The following PTH2R variants were observed in gnomAD, a reference collection of about 807,000 sequenced individuals.
PTH2R encodes parathyroid hormone 2 receptor.
Under a neutral mutation model 60.3 loss-of-function variants are expected in PTH2R, and 59 were observed. The ratio of observed to expected loss-of-function variants is 0.98; its 90% confidence interval spans 0.79 to 1.22. The LOEUF is 1.22. Among genes scored for constraint, PTH2R ranks in the 50% most tolerant of loss-of-function variants. The pLI is 0.00. For synonymous variants in PTH2R, 256 were observed against 243.8 expected (o/e 1.05, Z -0.47); for missense variants, 749 against 682.6 (o/e 1.10, Z -1.08).
chr2:208,420,591 C>A (rs1252542043), intron 1 of PTH2R, among the ~76,000 whole-genome samples: 2 of 152,120 alleles, frequency 1.3e-5, no homozygotes, highest in African/African-American at 4.8e-5. Flanking sequence ...CTAAACAATT[C>A]CTTAAAAACT....
Position 208,365,940 on chromosome 2 carries a change from ATATATATATATATATATATATTT to A in PTH2R, c.-259+5705_-259+5727del, listed in dbSNP as rs1700573536. Among the ~76,000 whole-genome samples, 7 of 13,520 alleles carry A rather than the reference ATATATATATATATATATATATTT, an allele frequency of 5.2e-4. 1 individual carries two copies. The highest frequency in any genetic ancestry group is 1.6e-3 in the African/African-American group (7 of 4,296). The allele number at this position is 13,520 out of a possible 152,430, so 8.9% of individuals were successfully genotyped here. A position where few individuals can be genotyped will look rare whatever the true frequency, so the allele number is the denominator to read the frequency against. Reference sequence around the variant, plus strand: ...TAATATAATAGATAAATATATATATATATATATATATATATATATATTTTTTTTTTTTTTTTTTTTTTTTTTTT... The same window carrying A: ...TAATATAATAGATAAATATATATATATTTTTTTTTTTTTTTTTTTTTTTTT... On this transcript the variant is annotated intron_variant, in intron 1 of 12. Transcript: ENST00000617735.
intron 10 of PTH2R, among the ~76,000 whole-genome samples, chr2:208,482,861 C>T (rs7600129): frequency 5.3e-5 from 8 of 152,264 alleles, no homozygotes; most frequent in South Asian, 2.1e-4. Context: ...CCCAGAGCCA[C>T]GAACATCTGC....
chr2:208,461,980 C>T (rs1442779832), intron 9 of PTH2R, among the ~76,000 whole-genome samples: 1 of 152,186 alleles, frequency 6.6e-6, no homozygotes, highest in Non-Finnish European at 1.5e-5. Context: ...AAAATTATGA[C>T]AGTTCTAAGC....
chr2:208,363,165 C>G (rs1361963103), intron 1 of PTH2R, among the ~76,000 whole-genome samples: 1 of 151,722 alleles, frequency 6.6e-6, no homozygotes. Flanking sequence ...GTTTTTTGAC[C>G]CTCCCCCTTC....
At chr2:208,448,425 C>T (rs181812111) in intron 7 of PTH2R, among the ~76,000 whole-genome samples, 1 of 151,452 alleles carries the variant, frequency 6.6e-6, no homozygotes, top group Non-Finnish European at 1.5e-5. Context: ...CTGAGGTGGG[C>T]GGATCATGAG....
intron 8 of PTH2R, among the ~76,000 whole-genome samples, chr2:208,457,488 T>C (rs1702537525): frequency 6.6e-6 from 1 of 152,232 alleles, no homozygotes; most frequent in Non-Finnish European, 1.5e-5. Context: ...AATGTGGAGC[T>C]GCTGAGCTCT....
At chr2:208,484,272 A>G (rs1210260180) in intron 10 of PTH2R, among the ~76,000 whole-genome samples, 1 of 152,268 alleles carries the variant, frequency 6.6e-6, no homozygotes, top group Non-Finnish European at 1.5e-5. Context: ...TGAAAAGTAC[A>G]TAAAATCCCT....
rs1011912166 is a variant in PTH2R at position 208,490,547 on chromosome 2, A to G, written c.1216-92A>G. The G allele has an allele frequency of 1.3e-5, 16 of 1,231,768 alleles. No individual in the cohort carries two copies. In the African/African-American group the frequency reaches 2.0e-4, roughly 15 times the overall value. The allele number at this position is 1,231,768 out of a possible 1,614,324, so 76.3% of individuals were successfully genotyped here. On this transcript the variant is annotated intron_variant, in intron 11 of 12. Transcript: ENST00000272847. ...TAATTCTCTGAAGGAATCATAAAAA[A>G]CAATTTTTGGACGTACACATTTTGG...
In PTH2R at chr2:208,481,148, A is replaced by C. The variant is rs1357891660; in HGVS notation, c.1060A>C (p.Thr354Pro). 6.2e-7 allele frequency: 1 copy of C among 1,607,634 alleles called. No homozygotes were observed. Among genetic ancestry groups the C allele is most frequent in the Middle Eastern group, 1.7e-4 (1 of 6,042 alleles). ...IWETNAVGHD[T>P]RKQYRKLAKS... ...GGAGACCAATGCAGTTGGGCATGACACAAGGAAGCAATACAGGTAATTTCA... is the reference window on the plus strand; with the variant it reads ...GGAGACCAATGCAGTTGGGCATGACCCAAGGAAGCAATACAGGTAATTTCA... The change falls in exon 10 of 13, where the codon ACA (threonine) becomes CCA (proline). Residue 354 changes from threonine (T) to proline (P), a missense_variant. Transcript: ENST00000272847.
At chr2:208,366,548 A>G (rs770863351) in intron 1 of PTH2R, among the ~76,000 whole-genome samples, 1 of 152,170 alleles carries the variant, frequency 6.6e-6, no homozygotes, top group Non-Finnish European at 1.5e-5. Context: ...TACAAGATCT[A>G]ATAGCCATGA....
upstream of PTH2R, among the ~76,000 whole-genome samples, chr2:208,403,624 CA>C (rs1456989552): frequency 5.9e-5 from 9 of 152,178 alleles, no homozygotes; most frequent in African/African-American, 2.2e-4. Flanking sequence ...TGGTGTGTAG[CA>C]AGCTACCCCC....
chr2:208,489,933 A>G (rs552478189), intron 11 of PTH2R, among the ~76,000 whole-genome samples: 1 of 152,224 alleles, frequency 6.6e-6, no homozygotes, highest in African/African-American at 2.4e-5. Context: ...TTTTCCCCAA[A>G]TATTTACACA....
intron 9 of PTH2R, among the ~76,000 whole-genome samples, chr2:208,464,985 TG>T (rs1702713761): frequency 6.6e-6 from 1 of 152,188 alleles, no homozygotes; most frequent in Non-Finnish European, 1.5e-5. Flanking sequence ...TTTGTTTGTT[TG>T]TTTTTTTGAG....
chr2:208,449,405 T>A (rs1055530151), intron 7 of PTH2R, among the ~76,000 whole-genome samples: 1 of 151,596 alleles, frequency 6.6e-6, no homozygotes, highest in Non-Finnish European at 1.5e-5. Flanking sequence ...CTTTGACACA[T>A]AAATAGACAA....
chr2:208,493,910 G>C lies in PTH2R; in HGVS notation c.*251G>C. 3.2e-6 allele frequency: 1 copy of C among 315,332 alleles called. No homozygotes were observed. Among genetic ancestry groups the C allele is most frequent in the Non-Finnish European group, 5.6e-6 (1 of 177,998 alleles). The allele number at this position is 315,332 out of a possible 1,614,324, so 19.5% of individuals were successfully genotyped here. On this transcript the variant is annotated 3_prime_UTR_variant, in exon 13 of 13. Transcript: ENST00000272847. Reference sequence around the variant, plus strand: ...TAAATTAATGTATGGTATTTGCTCTGTGATTGTTCATTTTTTTCTGCTACT... The same window carrying C: ...TAAATTAATGTATGGTATTTGCTCTCTGATTGTTCATTTTTTTCTGCTACT...
At chr2:208,442,524 A>T (rs2105870737) in intron 5 of PTH2R, 63 bp downstream of exon 5, 2 of 1,263,290 alleles carry the variant, frequency 1.6e-6, no homozygotes, top group Non-Finnish European at 2.3e-6. Flanking sequence ...CAGAGAAGAC[A>T]TAGCGGTCTC....
intron 11 of PTH2R, among the ~76,000 whole-genome samples, chr2:208,490,036 C>T (rs1157650102): frequency 6.6e-6 from 1 of 152,140 alleles, no homozygotes; most frequent in Non-Finnish European, 1.5e-5. Flanking sequence ...CACTACATTA[C>T]TCTTTTTAAA....
chr2:208,376,442 C>T (rs942340325), intron 1 of PTH2R, among the ~76,000 whole-genome samples: 9 of 152,046 alleles, frequency 5.9e-5, no homozygotes, highest in Non-Finnish European at 1.2e-4. Context: ...ATGTGATTTT[C>T]GTCAAATAGG....
rs1257982455 is a variant in PTH2R at position 208,444,878 on chromosome 2, A to G, written c.844A>G (p.Ile282Val). The change falls in exon 7 of 13, where the codon ATA (isoleucine) becomes GTA (valine). Residue 282 changes from isoleucine (I) to valine (V), a missense_variant. Transcript: ENST00000272847. ...CAAATACCTGTGGGGCTTCATCTTG[A>G]TAGGCTGGGGTAAGACATTTATATC... The part of the protein sequence containing the change: ...DTKYLWGFIL[I>V]GWGFPAAFVA... 6.2e-7 allele frequency: 1 copy of G among 1,613,104 alleles called. No individual in the cohort carries two copies. The highest frequency in any genetic ancestry group is 8.5e-7 in the Non-Finnish European group (1 of 1,179,502).
Sources: gnomAD v4.1 joint callset for allele counts (sites outside exome capture counted in the v4.1 genomes callset) on GRCh38, gnomAD v4.1.1 for gene constraint, MANE v1.5 for transcripts, NCBI Gene and HGNC (gene_info 2026-07-23, HGNC 2026-07-21) for gene names.